The following ZBBX variants were observed in gnomAD, a reference collection of about 807,000 sequenced individuals.
ZBBX encodes zinc finger B-box domain containing.
ZBBX carries 101 observed loss-of-function variants against 108.5 expected under a neutral mutation model. The ratio of observed to expected loss-of-function variants is 0.93; its 90% CI spans 0.79 to 1.10. The LOEUF is 1.10. Ranked by LOEUF, ZBBX falls within the 50% of genes least tolerant of loss-of-function variation. The pLI is 0.00. For missense variants in ZBBX, 1,009 were observed against 941.4 expected, an observed-to-expected ratio of 1.07 and a Z score of -0.94; for synonymous variants, 356 against 323.4, an observed-to-expected ratio of 1.10 and a Z score of -1.08.
At chr3:167,324,788 A>G (rs1033305152) in intron 11 of ZBBX, among the ~76,000 whole-genome samples, 2 of 152,150 alleles carry the variant, frequency 1.3e-5, no homozygotes, top group African/African-American at 4.8e-5. Flanking sequence ...CTATAGAGGA[A>G]GGCCACAACA....
At chr3:167,362,019 C>G (rs1744602597) in intron 6 of ZBBX, among the ~76,000 whole-genome samples, 1 of 152,048 alleles carries the variant, frequency 6.6e-6, no homozygotes, top group African/African-American at 2.4e-5. Flanking sequence ...AGTGAACAAA[C>G]CTCTAGCTGC....
At chr3:167,329,745 G>C (rs1459470925) in intron 10 of ZBBX, among the ~76,000 whole-genome samples, 2 of 152,046 alleles carry the variant, frequency 1.3e-5, no homozygotes, top group Non-Finnish European at 2.9e-5. Context: ...AAATATAAAG[G>C]GTAGAAAGGA....
At chr3:167,314,816 AC>A (rs1244578338) in intron 15 of ZBBX, among the ~76,000 whole-genome samples, 1 of 152,176 alleles carries the variant, frequency 6.6e-6, no homozygotes, top group Non-Finnish European at 1.5e-5. Context: ...GCCTTCTCTA[AC>A]ACCTTACATA....
intron 20 of ZBBX, chr3:167,252,145 T>C: frequency 1.6e-6 from 2 of 1,289,276 alleles, no homozygotes; most frequent in Non-Finnish European, 2.0e-6. Flanking sequence ...TTATTTTCTG[T>C]CTTATTCTCC....
intron 20 of ZBBX, among the ~76,000 whole-genome samples, chr3:167,253,311 C>T (rs1722935196): frequency 6.6e-6 from 1 of 152,078 alleles, no homozygotes; most frequent in African/African-American, 2.4e-5. Flanking sequence ...AGGCTAGTCT[C>T]ACCAATACCA....
intron 6 of ZBBX, among the ~76,000 whole-genome samples, chr3:167,361,525 ATGAC>A (rs1182275446): frequency 1.3e-5 from 2 of 152,090 alleles, no homozygotes; most frequent in Non-Finnish European, 2.9e-5. Flanking sequence ...TCTGAGAACA[ATGAC>A]TGCCTCTATA....
intron 20 of ZBBX, among the ~76,000 whole-genome samples, chr3:167,279,772 A>G (rs1728416842): frequency 6.6e-6 from 1 of 152,104 alleles, no homozygotes; most frequent in Non-Finnish European, 1.5e-5. Context: ...GGAACCAGAA[A>G]AGAGCCCGCA....
At chr3:167,361,223 G>T (rs1180291946) in intron 6 of ZBBX, among the ~76,000 whole-genome samples, 1 of 151,908 alleles carries the variant, frequency 6.6e-6, no homozygotes, top group Non-Finnish European at 1.5e-5. Context: ...TCCTTCAAAA[G>T]TATTATTTGT....
rs1380443725 is a variant in ZBBX, at chr3:167,240,904, A to G, written c.2409T>C (p.Asp803=). 5.0e-6 allele frequency: 8 copies of G among 1,613,088 alleles called. No homozygotes were observed. The highest frequency in any genetic ancestry group is 3.3e-5 in the South Asian group (3 of 91,058). ...GTGACAGCAAAGACTGAATTTTGGT[A>G]TCTCTTCCAGAACAGCTGAAAATAC... ...GVEELSCSGR[D]TKIQSLLSLS... Residue 803 remains aspartate (D), a synonymous_variant, in exon 22 of 22, where the codon GAT becomes GAC. Coordinates refer to ENST00000675490, the MANE Select transcript of ZBBX (RefSeq NM_001199201.2).
chr3:167,227,603 C>G, the ZBBX span, among the ~76,000 whole-genome samples: 2 of 151,640 alleles, frequency 1.3e-5, 1 homozygote, highest in South Asian at 4.2e-4. Flanking sequence ...TACGTGGTCA[C>G]CTTTTAAACT....
At chr3:167,222,537 A>G in the ZBBX span, among the ~76,000 whole-genome samples, 1 of 151,950 alleles carries the variant, frequency 6.6e-6, no homozygotes, top group Non-Finnish European at 1.5e-5. Flanking sequence ...TATGTCAACA[A>G]TTTATTGTAC....
chr3:167,242,038 G>A (rs1214417981), intron 21 of ZBBX, among the ~76,000 whole-genome samples: 1 of 152,054 alleles, frequency 6.6e-6, no homozygotes, highest in Admixed American at 6.6e-5. Context: ...TATTTTATGT[G>A]AGGAAAGAAT....
At chr3:167,298,881 A>G (rs1365809542) in intron 17 of ZBBX, among the ~76,000 whole-genome samples, 6 of 151,932 alleles carry the variant, frequency 3.9e-5, no homozygotes, top group East Asian at 1.9e-4. Context: ...TGCCCTGACA[A>G]TGGTCATGGA....
chr3:167,291,121 G>C (rs992463030), intron 18 of ZBBX, among the ~76,000 whole-genome samples: 2 of 152,000 alleles, frequency 1.3e-5, no homozygotes, highest in African/African-American at 4.8e-5. Context: ...GAACCAAGTT[G>C]GGAAACACTC....
At chr3:167,270,979 T>C (rs1371474736) in intron 20 of ZBBX, among the ~76,000 whole-genome samples, 1 of 152,186 alleles carries the variant, frequency 6.6e-6, no homozygotes, top group Non-Finnish European at 1.5e-5. Flanking sequence ...TCATAGATGG[T>C]TCCTCCTGGG....
chr3:167,297,924 C>T (rs1049368423), intron 18 of ZBBX, among the ~76,000 whole-genome samples: 3 of 151,962 alleles, frequency 2.0e-5, no homozygotes, highest in Non-Finnish European at 4.4e-5. Flanking sequence ...ATGTAATAAT[C>T]GGAACATTTG....
chr3:167,186,258 C>T, the ZBBX span, among the ~76,000 whole-genome samples: 2 of 151,850 alleles, frequency 1.3e-5, no homozygotes, highest in Non-Finnish European at 2.9e-5. Context: ...ATTTTATATC[C>T]ATTTGAAGCA....
chr3:167,243,142 T>C (rs1025895113), intron 20 of ZBBX, among the ~76,000 whole-genome samples: 1 of 152,212 alleles, frequency 6.6e-6, no homozygotes, highest in African/African-American at 2.4e-5. Flanking sequence ...AAGCCTTAAA[T>C]TTTTCTTTTC....
chr3:167,332,877 C>T (rs1347059950), intron 10 of ZBBX, among the ~76,000 whole-genome samples: 1 of 152,048 alleles, frequency 6.6e-6, no homozygotes, highest in Non-Finnish European at 1.5e-5. Flanking sequence ...CCACTATTCT[C>T]TCATTTGAAA....
Sources: gnomAD v4.1 joint callset for allele counts (sites outside exome capture counted in the v4.1 genomes callset) on GRCh38, gnomAD v4.1.1 for gene constraint, MANE v1.5 for transcripts, NCBI Gene and HGNC (gene_info 2026-07-23, HGNC 2026-07-21) for gene names.